The following ANKRD12 variants were observed in gnomAD, a reference collection of about 807,000 sequenced individuals.
ANKRD12 encodes ankyrin repeat domain 12, also known as ankyrin repeat domain-containing protein 12.
In ANKRD12, 85 loss-of-function variants were observed where a neutral mutation model predicts 183.4. The observed-to-expected ratio is 0.46, with a 90% CI of 0.39 to 0.56. The LOEUF (loss-of-function observed/expected upper bound fraction) is 0.56. ANKRD12 is among the 20% of genes least tolerant of loss of function. The probability of loss-of-function intolerance (pLI) is 0.00; values close to 1 mark genes in which losing one functional copy is unlikely to be tolerated. For synonymous variants in ANKRD12, 914 were observed against 800.2 expected (o/e 1.14, Z -2.40); for missense variants, 2,405 against 2,357.1 (o/e 1.02, Z -0.42).
intron 2 of ANKRD12, among the ~76,000 whole-genome samples, chr18:9,187,455 C>G (rs1248979489): frequency 1.3e-5 from 2 of 151,960 alleles, no homozygotes; most frequent in African/African-American, 4.8e-5. Context: ...AGTAGAGACC[C>G]CATTTACAGT....
chr18:9,220,025 AAC>A (rs1297458575), intron 7 of ANKRD12, among the ~76,000 whole-genome samples: 3 of 152,242 alleles, frequency 2.0e-5, no homozygotes, highest in Non-Finnish European at 4.4e-5. Flanking sequence ...ATAAAAATTA[AAC>A]AGTTAATAGT....
intron 1 of ANKRD12, among the ~76,000 whole-genome samples, chr18:9,154,222 G>C (rs1176074458): frequency 6.6e-6 from 1 of 152,128 alleles, no homozygotes; most frequent in African/African-American, 2.4e-5. Context: ...AGCAGTTCAA[G>C]ACCAGTCTTG....
intron 3 of ANKRD12, among the ~76,000 whole-genome samples, chr18:9,199,247 C>A (rs937580723): frequency 1.3e-5 from 2 of 152,140 alleles, no homozygotes; most frequent in Non-Finnish European, 2.9e-5. Flanking sequence ...GAGCTGTGAT[C>A]ATGCCACTGT....
intron 9 of ANKRD12, among the ~76,000 whole-genome samples, chr18:9,261,572 CCTGCTGATCTCTT>C (rs1295667349): frequency 1.3e-5 from 2 of 152,150 alleles, no homozygotes; most frequent in Non-Finnish European, 2.9e-5. Flanking sequence ...TTATTTTGCC[CCTGCTGATCTCTT>C]CTGCGGTCTT....
intron 1 of ANKRD12, among the ~76,000 whole-genome samples, chr18:9,151,819 T>C (rs1009456966): frequency 2.6e-5 from 4 of 152,204 alleles, no homozygotes; most frequent in Non-Finnish European, 5.9e-5. Context: ...GGTGGTAAAT[T>C]TGAATATTTT....
intron 11 of ANKRD12, among the ~76,000 whole-genome samples, chr18:9,276,605 C>T (rs1004459930): frequency 6.6e-6 from 1 of 151,706 alleles, no homozygotes; most frequent in African/African-American, 2.4e-5. Flanking sequence ...TCCCAGCTAC[C>T]AGGGAGGCTG....
intron 1 of ANKRD12, among the ~76,000 whole-genome samples, chr18:9,152,522 T>C (rs879258438): frequency 1.3e-5 from 2 of 152,156 alleles, no homozygotes; most frequent in Admixed American, 6.5e-5. Context: ...TGGTCTTCTT[T>C]AGTGGTCTGC....
At position 9,143,519 on chromosome 18, in the gene ANKRD12, G is replaced by A. The variant is rs190376170; in HGVS notation, c.-52+6554G>A. Among the ~76,000 whole-genome samples, 1,095 of 152,278 alleles carry A rather than the reference G, an allele frequency of 7.2e-3. 12 individuals carry two copies. The highest frequency in any genetic ancestry group is 7.0e-3 in the Non-Finnish European group (475 of 68,000). ...ACTGTTGCCCAGGCTGGAGTGTAAA[G>A]GCATGATCTTGGCGTACTGCAACCT... is the stretch of plus-strand genomic sequence containing the variant. On this transcript the variant is annotated intron_variant, in intron 1 of 12. Coordinates refer to ENST00000262126, the MANE Select transcript of ANKRD12 (RefSeq NM_015208.5).
In ANKRD12 at chr18:9,256,815, A is replaced by G. The variant is rs776831560; in HGVS notation, c.3548A>G (p.Asp1183Gly). Residue 1183 changes from aspartate to glycine, a missense_variant, in exon 9 of 13, where the codon GAT (aspartate) becomes GGT (glycine). By Grantham distance (94) the Asp-to-Gly change is moderately conservative. Coordinates refer to ENST00000262126, the MANE Select transcript of ANKRD12 (RefSeq NM_015208.5). ...MTLGKSSFVS[D>G]NSLNRSPRSE... is the part of the protein sequence containing the mutation. Reference sequence around the variant, plus strand: ...TTAGGGAAGTCATCTTTTGTTTCAGATAATAGCTTAAACAGGTCTCCTAGA... The same window carrying G: ...TTAGGGAAGTCATCTTTTGTTTCAGGTAATAGCTTAAACAGGTCTCCTAGA... The G allele has an allele frequency of 1.2e-6, 2 of 1,614,028 alleles. No homozygotes were observed. Among genetic ancestry groups the G allele is most frequent in the Admixed American group, 1.7e-5 (1 of 59,970 alleles).
intron 1 of ANKRD12, among the ~76,000 whole-genome samples, chr18:9,149,650 G>C (rs1396789276): frequency 6.6e-6 from 1 of 151,962 alleles, no homozygotes; most frequent in East Asian, 1.9e-4. Context: ...AGTAGATACC[G>C]GTTGTTTATT....
At chr18:9,228,460 C>T (rs2036849792) in intron 8 of ANKRD12, among the ~76,000 whole-genome samples, 1 of 152,156 alleles carries the variant, frequency 6.6e-6, no homozygotes, top group Non-Finnish European at 1.5e-5. Context: ...GTTCCCTTTT[C>T]TCCACACCCT....
Position 9,255,939 on chromosome 18 carries a change from C to A in ANKRD12, c.2672C>A (p.Thr891Asn). The change falls in exon 9 of 13, where the codon ACT becomes AAT. Residue 891 changes from threonine to asparagine, a missense_variant. Physicochemically the swap from Thr to Asn is moderately conservative, Grantham distance 65. Around this residue, in one of 7 missense-constraint regions of ANKRD12, gnomAD observed 1,983 missense variants for 1,725.9 expected, o/e 1.15. Transcript: ENST00000262126. ...AAAGAAGGTGAGAAGAGCAAAAATA[C>A]TGCTGCTATTAAAAAAACTGACGAC... ...CHKEGEKSKNTAAIKKTDDRE... is the reference protein window; with the variant it reads ...CHKEGEKSKNNAAIKKTDDRE... 20 of 1,581,584 alleles carry A rather than the reference C, an allele frequency of 1.3e-5. No individual in the cohort carries two copies. Among genetic ancestry groups the A allele is most frequent in the Non-Finnish European group, 1.7e-5 (20 of 1,170,610 alleles).
intron 1 of ANKRD12, among the ~76,000 whole-genome samples, chr18:9,162,847 C>T (rs930845940): frequency 6.6e-6 from 1 of 151,734 alleles, no homozygotes; most frequent in African/African-American, 2.4e-5. Flanking sequence ...ATTCTTTTCT[C>T]GAAAAGTGTC....
At chr18:9,258,978 G>C in intron 9 of ANKRD12, 47 bp downstream of exon 9, 1 of 1,529,070 alleles carries the variant, frequency 6.5e-7, no homozygotes. Context: ...CTGCCCAATA[G>C]AAGTATAATG....
intron 10 of ANKRD12, among the ~76,000 whole-genome samples, chr18:9,265,240 ACTTAAATGT>A (rs1240381141): frequency 2.0e-5 from 3 of 152,258 alleles, no homozygotes; most frequent in Non-Finnish European, 4.4e-5. Context: ...TTCTCTGCAG[ACTTAAATGT>A]CCCTGTCTGA....
chr18:9,244,610 G>A lies in ANKRD12; in HGVS notation c.944-9601G>A, dbSNP rs560947551. ...AAGAAAAGAGTAGTTCCTAGTACTC[G>A]TATGATTTCGATTCTGAGAGTTCAT... On this transcript the variant is annotated intron_variant, in intron 8 of 12. Transcript: ENST00000262126. Among the ~76,000 whole-genome samples the A allele has an allele frequency of 7.2e-5, 11 of 152,262 alleles. No individual in the cohort carries two copies. The East Asian group carries it at 7.7e-4, about 11-fold the overall frequency.
chr18:9,162,810 T>G (rs537570454), intron 1 of ANKRD12, among the ~76,000 whole-genome samples: 25 of 151,968 alleles, frequency 1.6e-4, no homozygotes, highest in African/African-American at 6.0e-4. Flanking sequence ...GATATTGAGT[T>G]TTTTTTCATG....
At chr18:9,254,126 A>C in intron 8 of ANKRD12, 85 bp from the exon 9 acceptor site, 1 of 1,396,046 alleles carries the variant, frequency 7.2e-7, no homozygotes, top group South Asian at 1.7e-5. Context: ...TGTATAAGCT[A>C]TATCTTTTTC....
At chr18:9,168,204 G>C (rs1001450908) in intron 1 of ANKRD12, among the ~76,000 whole-genome samples, 2 of 152,160 alleles carry the variant, frequency 1.3e-5, no homozygotes, top group African/African-American at 4.8e-5. Flanking sequence ...TCTCTGCCAG[G>C]CTTTGGTATC....
Sources: gnomAD v4.1 joint callset for allele counts (sites outside exome capture counted in the v4.1 genomes callset) on GRCh38, gnomAD v4.1.1 for gene constraint, gnomAD v4.1.1 regional missense constraint, MANE v1.5 for transcripts, NCBI Gene and HGNC (gene_info 2026-07-23, HGNC 2026-07-21) for gene names.